The following COMMD1 variants were observed in gnomAD, a reference collection of about 807,000 sequenced individuals.
COMMD1 encodes COMM domain-containing protein 1.
In COMMD1, 10 loss-of-function variants were observed where a neutral mutation model predicts 17.2. That is an observed-to-expected ratio of 0.58 (90% CI 0.36 to 0.99). COMMD1 has a LOEUF of 0.99. COMMD1 is among the 50% of genes least tolerant of loss of function. The pLI, the probability that COMMD1 is intolerant of heterozygous loss-of-function variation, is 0.01. For missense variants in COMMD1, 270 were observed against 231.8 expected, an observed-to-expected ratio of 1.17 and a Z score of -1.07; for synonymous variants, 97 against 91.6, an observed-to-expected ratio of 1.06 and a Z score of -0.34.
intron 1 of COMMD1, among the ~76,000 whole-genome samples, chr2:61,945,913 G>GT (rs572894073): frequency 6.6e-6 from 1 of 152,128 alleles, no homozygotes; most frequent in African/African-American, 2.4e-5. Context: ...CAGGTAGCGG[G>GT]TTTTAGAGAA....
intron 2 of COMMD1, among the ~76,000 whole-genome samples, chr2:62,125,754 A>T (rs1398571191): frequency 6.6e-6 from 1 of 152,044 alleles, no homozygotes; most frequent in Non-Finnish European, 1.5e-5. Context: ...TTTGATGCAA[A>T]TTCTCTCTTT....
intron 2 of COMMD1, among the ~76,000 whole-genome samples, chr2:62,077,512 C>T (rs748292714): frequency 1.1e-4 from 16 of 152,102 alleles, no homozygotes; most frequent in East Asian, 1.9e-4. Context: ...TCATAGGCAA[C>T]TTGTATAGCC....
intron 2 of COMMD1, among the ~76,000 whole-genome samples, chr2:62,019,301 G>C (rs530093783): frequency 4.0e-5 from 6 of 151,814 alleles, no homozygotes; most frequent in African/African-American, 1.5e-4. Flanking sequence ...AGTCTCCCAA[G>C]TACCTGGGAT....
In COMMD1 at chr2:62,045,199, A is replaced by T. The variant is rs147147987; in HGVS notation, c.462+44217A>T. ...GATGAAATCACAGGGGTGTGGAAAA[A>T]CTGTCCTTACGTGCTGAGTCTGTCT... On this transcript the variant is annotated intron_variant, in intron 2 of 2. Coordinates refer to ENST00000311832, the MANE Select transcript of COMMD1 (RefSeq NM_152516.4). 4.9e-3 allele frequency among the ~76,000 whole-genome samples: 740 copies of T among 151,670 alleles called. 8 individuals carry two copies. The highest frequency in any genetic ancestry group is 0.044 in the Middle Eastern group (13 of 294).
chr2:62,022,052 T>G (rs1158862597), intron 2 of COMMD1, among the ~76,000 whole-genome samples: 1 of 152,184 alleles, frequency 6.6e-6, no homozygotes, highest in African/African-American at 2.4e-5. Flanking sequence ...CAAATCTGAT[T>G]CATGAAGATT....
At chr2:61,904,232 T>C (rs1019171907), upstream of COMMD1, among the ~76,000 whole-genome samples, 1 of 151,878 alleles carries the variant, frequency 6.6e-6, no homozygotes, top group African/African-American at 2.4e-5. Context: ...AGGATGGTCT[T>C]GATCTCCTGA....
chr2:62,036,313 C>T (rs1315023184), intron 2 of COMMD1, among the ~76,000 whole-genome samples: 4 of 152,022 alleles, frequency 2.6e-5, no homozygotes, highest in Non-Finnish European at 5.9e-5. Context: ...TACAATGATA[C>T]TGTGAAATAA....
chr2:62,059,945 G>GC (rs199598602), intron 2 of COMMD1, among the ~76,000 whole-genome samples: 271 of 152,026 alleles, frequency 1.8e-3, no homozygotes, highest in African/African-American at 5.7e-3. Flanking sequence ...ATGAATTTTG[G>GC]GGGGGGAATT....
chr2:62,070,679 G>A (rs528303426), intron 2 of COMMD1, among the ~76,000 whole-genome samples: 14 of 152,246 alleles, frequency 9.2e-5, no homozygotes, highest in African/African-American at 2.2e-4. Flanking sequence ...TGGATCCCAC[G>A]CAAGAAAGAA....
chr2:62,089,955 C>G (rs1416462010), intron 2 of COMMD1, among the ~76,000 whole-genome samples: 1 of 152,170 alleles, frequency 6.6e-6, no homozygotes, highest in African/African-American at 2.4e-5. Context: ...TAGGAAGGCT[C>G]ATTCCTAGAG....
intron 2 of COMMD1, among the ~76,000 whole-genome samples, chr2:62,067,868 G>A (rs1275303877): frequency 6.6e-6 from 1 of 152,186 alleles, no homozygotes; most frequent in East Asian, 1.9e-4. Context: ...AAAATACTCA[G>A]TATGCCAAGG....
At chr2:62,061,984 C>CAAAA (rs59487576) in intron 2 of COMMD1, among the ~76,000 whole-genome samples, 1 of 129,306 alleles carries the variant, frequency 7.7e-6, no homozygotes, top group African/African-American at 2.8e-5. Flanking sequence ...ACAGTTACAG[C>CAAAA]AAAAAAAAAA....
At chr2:62,019,579 G>A (rs1177705246) in intron 2 of COMMD1, among the ~76,000 whole-genome samples, 1 of 152,128 alleles carries the variant, frequency 6.6e-6, no homozygotes, top group Non-Finnish European at 1.5e-5. Context: ...CTGCACTGGG[G>A]TTTAAGTTTC....
At chr2:61,987,762 A>C (rs183194623) in intron 1 of COMMD1, among the ~76,000 whole-genome samples, 1 of 152,092 alleles carries the variant, frequency 6.6e-6, no homozygotes, top group African/African-American at 2.4e-5. Context: ...CATTCAGGGG[A>C]TTGAGTTCTC....
chr2:61,955,875 CG>C (rs1671185453), intron 1 of COMMD1, among the ~76,000 whole-genome samples: 1 of 151,988 alleles, frequency 6.6e-6, no homozygotes, highest in Non-Finnish European at 1.5e-5. Context: ...TTAGTAAAGA[CG>C]GGGTTTCACC....
chr2:61,964,143 G>T (rs1358580996), intron 1 of COMMD1, among the ~76,000 whole-genome samples: 5 of 152,188 alleles, frequency 3.3e-5, no homozygotes, highest in Non-Finnish European at 5.9e-5. Flanking sequence ...CTTCTTAGCT[G>T]CCATAGCAAT....
At chr2:62,036,527 A>T (rs12475438) in intron 2 of COMMD1, among the ~76,000 whole-genome samples, 1 of 152,140 alleles carries the variant, frequency 6.6e-6, no homozygotes, top group African/African-American at 2.4e-5. Flanking sequence ...GGTATTAGGT[A>T]TAACAGCTAA....
At chr2:61,937,261 A>G (rs184006853) in intron 1 of COMMD1, among the ~76,000 whole-genome samples, 6 of 152,308 alleles carry the variant, frequency 3.9e-5, no homozygotes, top group Admixed American at 3.9e-4. Context: ...CATGGCCTGA[A>G]CCAGTCTTTC....
chr2:61,939,422 C>T (rs1225430749), intron 1 of COMMD1, among the ~76,000 whole-genome samples: 3 of 150,980 alleles, frequency 2.0e-5, no homozygotes, highest in Middle Eastern at 3.4e-3. Flanking sequence ...GCCGAGATTG[C>T]GCCACTGCAC....
Sources: allele counts gnomAD v4.1 joint callset (sites outside exome capture counted in the v4.1 genomes callset), GRCh38; gene constraint gnomAD v4.1.1; transcripts MANE v1.5; gene names NCBI Gene and HGNC (gene_info 2026-07-23, HGNC 2026-07-21).